The following CNBD1 variants were observed in gnomAD, a reference collection of about 807,000 sequenced individuals.
CNBD1 encodes the protein cyclic nucleotide-binding domain-containing protein 1.
A neutral mutation model predicts 54.4 loss-of-function variants in CNBD1; 71 were observed. That is an observed-to-expected ratio of 1.30 (90% CI 1.08 to 1.59). CNBD1 has a LOEUF of 1.59. CNBD1 is among the 40% of genes most tolerant of loss of function. The pLI is 0.00. For synonymous variants in CNBD1, 182 were observed against 170.7 expected (o/e 1.07, Z -0.51); for missense variants, 659 against 518.0 (o/e 1.27, Z -2.64).
intron 4 of CNBD1, among the ~76,000 whole-genome samples, chr8:87,120,038 T>C (rs896778568): frequency 1.3e-5 from 2 of 152,070 alleles, no homozygotes; most frequent in Non-Finnish European, 2.9e-5. Context: ...ATAGTTTTCT[T>C]TTTTGTTGTT....
At chr8:87,123,070 T>G (rs1439792331) in intron 4 of CNBD1, among the ~76,000 whole-genome samples, 1 of 151,882 alleles carries the variant, frequency 6.6e-6, no homozygotes, top group Non-Finnish European at 1.5e-5. Flanking sequence ...TATTTTCTAT[T>G]TCTTTGAAGA....
chr8:86,971,772 C>T (rs1200071370), intron 4 of CNBD1, among the ~76,000 whole-genome samples: 2 of 152,016 alleles, frequency 1.3e-5, no homozygotes, highest in South Asian at 4.1e-4. Flanking sequence ...TATGTAAAAG[C>T]TATTTCACTA....
chr8:87,031,913 G>A (rs1420162726), intron 4 of CNBD1, among the ~76,000 whole-genome samples: 1 of 151,940 alleles, frequency 6.6e-6, no homozygotes, highest in Non-Finnish European at 1.5e-5. Context: ...GCTAATTTTT[G>A]TATTTTTGGT....
In CNBD1 at chr8:87,353,660, A is replaced by G. The variant is rs952649216; in HGVS notation, c.1177A>G (p.Met393Val). 4.4e-6 allele frequency: 7 copies of G among 1,593,998 alleles called. No individual in the cohort carries two copies. Among genetic ancestry groups the G allele is most frequent in the East Asian group, 4.5e-5 (2 of 44,538 alleles). The change falls in exon 10 of 11, where the codon ATG (methionine) becomes GTG (valine). Residue 393 changes from methionine (M) to valine (V), a missense_variant. Physicochemically the swap from Met to Val is conservative, Grantham distance 21. Coordinates refer to ENST00000518476, the MANE Select transcript of CNBD1 (RefSeq NM_173538.3). ...KVKRSQKLVYMGKLKEKESFG... is the reference protein window; with the variant it reads ...KVKRSQKLVYVGKLKEKESFG... ...GAAAAGATCTCAAAAACTTGTTTAT[A>G]TGGGGAAACTTAAGGAGAAGGAGTC...
At chr8:86,972,743 AC>A (rs1171347338) in intron 4 of CNBD1, among the ~76,000 whole-genome samples, 1 of 152,172 alleles carries the variant, frequency 6.6e-6, no homozygotes, top group Non-Finnish European at 1.5e-5. Context: ...ACAATGGAAG[AC>A]ACCAGAACAT....
At chr8:87,199,545 C>T (rs1292149931) in intron 4 of CNBD1, among the ~76,000 whole-genome samples, 1 of 152,178 alleles carries the variant, frequency 6.6e-6, no homozygotes, top group Non-Finnish European at 1.5e-5. Flanking sequence ...AAGAACACTT[C>T]ACATAAAATC....
chr8:87,148,732 T>C lies in CNBD1; in HGVS notation c.432-57261T>C, dbSNP rs1812540942. On this transcript the variant is annotated intron_variant, in intron 4 of 10. Transcript: ENST00000518476. ...AGAGGGATCTGGATCCAACTCAAAA[T>C]AATATGGTAGGAGCCTTAGTCACAT... is the stretch of plus-strand genomic sequence containing the variant. Among the ~76,000 whole-genome samples the C allele has an allele frequency of 2.6e-5, 4 of 152,270 alleles. No individual in the cohort carries two copies. In the East Asian group the frequency reaches 7.7e-4, roughly 29 times the overall value.
intron 4 of CNBD1, among the ~76,000 whole-genome samples, chr8:87,157,670 G>T (rs1812774303): frequency 6.6e-6 from 1 of 152,146 alleles, no homozygotes; most frequent in African/African-American, 2.4e-5. Context: ...ATTTCCCAGG[G>T]CTCCTCCTGC....
chr8:86,998,016 C>T (rs1808914160), intron 4 of CNBD1, among the ~76,000 whole-genome samples: 1 of 152,164 alleles, frequency 6.6e-6, no homozygotes, highest in Middle Eastern at 3.4e-3. Flanking sequence ...CTTACATGCC[C>T]ATGTTATAGC....
At chr8:86,916,777 C>T (rs1193426729) in intron 3 of CNBD1, among the ~76,000 whole-genome samples, 1 of 151,808 alleles carries the variant, frequency 6.6e-6, no homozygotes, top group Non-Finnish European at 1.5e-5. Context: ...AAACTTGGCT[C>T]ACTGCAACCT....
intron 1 of CNBD1, among the ~76,000 whole-genome samples, chr8:86,867,162 A>G (rs1353900106): frequency 6.6e-6 from 1 of 152,170 alleles, no homozygotes; most frequent in African/African-American, 2.4e-5. Context: ...ATTTTATGTA[A>G]TTAGTCTAAA....
At chr8:87,032,142 T>G (rs956173819) in intron 4 of CNBD1, among the ~76,000 whole-genome samples, 9 of 152,234 alleles carry the variant, frequency 5.9e-5, no homozygotes, top group African/African-American at 2.2e-4. Context: ...CTGCATACAT[T>G]TAATGGTATG....
chr8:86,886,193 G>T (rs1352718928), intron 1 of CNBD1, among the ~76,000 whole-genome samples: 1 of 151,892 alleles, frequency 6.6e-6, no homozygotes, highest in Admixed American at 6.6e-5. Context: ...CTTCATAGAA[G>T]TTCCTTCCTA....
intron 4 of CNBD1, among the ~76,000 whole-genome samples, chr8:87,100,798 A>G (rs190384586): frequency 1.3e-5 from 2 of 152,136 alleles, no homozygotes; most frequent in African/African-American, 2.4e-5. Context: ...TTAAAGCCTT[A>G]TTTTGTTAGA....
chr8:87,286,606 G>A lies in CNBD1; in HGVS notation c.977G>A (p.Trp326Ter), dbSNP rs772401130. 6.6e-7 allele frequency: 1 copy of A among 1,506,142 alleles called. No homozygotes were observed. The highest frequency in any genetic ancestry group is 2.4e-5 in the East Asian group (1 of 41,012). 93.3% of individuals were successfully genotyped at this position (1,506,142 alleles called of 1,614,324 possible). ...LIRMCPYYEE[W>*]PTLSIYELIA... ...CGTATGTGTCCTTATTATGAGGAAT[G>A]GCCTACTTTATCCATATATGAGCTA... Residue 326 changes from tryptophan to a stop codon, truncating the protein, a stop_gained, in exon 8 of 11, where the codon TGG (tryptophan) becomes TAG (stop). Transcript: ENST00000518476. LOFTEE classifies it high-confidence loss of function.
chr8:86,873,985 A>T (rs1808479601), intron 1 of CNBD1, among the ~76,000 whole-genome samples: 1 of 152,194 alleles, frequency 6.6e-6, no homozygotes, highest in South Asian at 2.1e-4. Context: ...ACATTACTGT[A>T]ATCTAATCCT....
intron 4 of CNBD1, among the ~76,000 whole-genome samples, chr8:87,003,477 A>G (rs1049330491): frequency 1.3e-5 from 2 of 152,178 alleles, no homozygotes; most frequent in Non-Finnish European, 1.5e-5. Flanking sequence ...CTTAATCACT[A>G]TATGTGTTAC....
At chr8:86,879,177 G>A (rs2446126) in intron 1 of CNBD1, among the ~76,000 whole-genome samples, 13,754 of 151,924 alleles carry the variant, frequency 0.091, 691 homozygotes, top group Middle Eastern at 0.11. Context: ...ACAAATTAGA[G>A]TCACATTATT....
At chr8:87,241,268 ATTTTTTTTTTTTT>A (rs34829455) in intron 6 of CNBD1, among the ~76,000 whole-genome samples, 4 of 93,864 alleles carry the variant, frequency 4.3e-5, no homozygotes, top group African/African-American at 2.0e-4. Flanking sequence ...TATTTGGAAG[ATTTTTTTTTTTTT>A]TTTTTTTTTT....
Sources: allele counts gnomAD v4.1 joint callset (sites outside exome capture counted in the v4.1 genomes callset), GRCh38; gene constraint gnomAD v4.1.1; transcripts MANE v1.5; gene names NCBI Gene and HGNC (gene_info 2026-07-23, HGNC 2026-07-21).